Variants in TRPC5 observed in about 807,000 individuals in gnomAD.
TRPC5 encodes transient receptor potential cation channel subfamily C member 5.
A neutral mutation model predicts 56.5 loss-of-function variants in TRPC5; 9 were observed. The observed-to-expected ratio is 0.16, with a 90% CI of 0.10 to 0.28. TRPC5 has a LOEUF of 0.28. TRPC5 is among the 10% of genes least tolerant of loss of function. The pLI is 1.00. For missense variants in TRPC5, 469 were observed against 748.9 expected (o/e 0.63, Z 4.36); for synonymous variants, 282 against 278.5 (o/e 1.01, Z -0.13).
intron 1 of TRPC5, among the ~76,000 whole-genome samples, chrX:112,009,860 C>A (rs2148662421): frequency 9.0e-6 from 1 of 110,871 alleles, no homozygotes; most frequent in Non-Finnish European, 1.9e-5. Flanking sequence ...GTGGGTGGAG[C>A]AGGGAGGGAT....
chrX:112,034,343 A>T, intron 1 of TRPC5, among the ~76,000 whole-genome samples: 2 of 106,029 alleles, frequency 1.9e-5, no homozygotes, highest in African/African-American at 6.9e-5. Context: ...TTTTTGGTAT[A>T]ACACTTGCAC....
Position 111,776,092 on chromosome X carries a change from G to A in TRPC5, c.*221C>T. 2 of 331,186 alleles carry A rather than the reference G, an allele frequency of 6.0e-6. No homozygotes were observed. The highest frequency in any genetic ancestry group is 5.2e-6 in the Non-Finnish European group (1 of 191,982). The allele number at this position is 331,186 out of a possible 1,213,427, so 27.3% of individuals were successfully genotyped here. On this transcript the variant is annotated 3_prime_UTR_variant, in exon 11 of 11. Transcript: ENST00000262839. ...CACCCCTTCAGTCGGTTGTAAGATG[G>A]ACTTAGTGTGTATAGGTATTAAAAA...
chrX:111,857,445 A>C (rs773931363), intron 3 of TRPC5, among the ~76,000 whole-genome samples: 1 of 112,350 alleles, frequency 8.9e-6, no homozygotes, highest in Non-Finnish European at 1.9e-5. Flanking sequence ...TGATAGTGCC[A>C]TTAACTGACA....
intron 8 of TRPC5, 148 bp downstream of exon 8, chrX:111,781,786 TG>T (rs1372818727): frequency 2.7e-5 from 12 of 443,790 alleles, no homozygotes; most frequent in Admixed American, 4.9e-5. Context: ...TCCCAGCTAC[TG>T]GGGAGGCTGA....
At chrX:112,068,584 G>A (rs1930643168) in intron 1 of TRPC5, among the ~76,000 whole-genome samples, 1 of 111,910 alleles carries the variant, frequency 8.9e-6, no homozygotes. Flanking sequence ...GCCTGCGAGG[G>A]GCCCAGTCAG....
chrX:111,868,997 A>G lies in TRPC5; in HGVS notation c.901-14891T>C, dbSNP rs185963818. 6.2e-5 allele frequency among the ~76,000 whole-genome samples: 7 copies of G among 112,003 alleles called. No homozygotes were observed. In the Admixed American group the frequency reaches 6.6e-4, roughly 11 times the overall value. On this transcript the variant is annotated intron_variant, in intron 3 of 10. Transcript: ENST00000262839. ...AGAATGAGTTTTGTTTTTAGTTGCC[A>G]ATCAAGCTGGGCTCTGAAGAGGAGA... is the stretch of plus-strand genomic sequence containing the variant.
chrX:111,887,166 C>T (rs1158941358), intron 3 of TRPC5, among the ~76,000 whole-genome samples: 3 of 112,527 alleles, frequency 2.7e-5, no homozygotes, highest in East Asian at 5.6e-4. Flanking sequence ...TCACATCTCC[C>T]TTTATGCTAT....
At chrX:112,068,736 G>C (rs941303372) in intron 1 of TRPC5, among the ~76,000 whole-genome samples, 1 of 111,798 alleles carries the variant, frequency 8.9e-6, no homozygotes, top group Non-Finnish European at 1.9e-5. Context: ...AGAGCCCTGG[G>C]TTGCAAGTAG....
chrX:111,850,336 A>G (rs1923049054), intron 5 of TRPC5, among the ~76,000 whole-genome samples: 1 of 111,798 alleles, frequency 8.9e-6, no homozygotes, highest in East Asian at 2.8e-4. Context: ...AGTGGAATAG[A>G]TATTGTTGAC....
chrX:112,050,040 G>A (rs1389406090), intron 1 of TRPC5, among the ~76,000 whole-genome samples: 1 of 111,965 alleles, frequency 8.9e-6, no homozygotes, highest in African/African-American at 3.2e-5. Context: ...GCTGGGCGTG[G>A]TGGTGCGTGC....
At chrX:112,048,640 A>G (rs1301337262) in intron 1 of TRPC5, among the ~76,000 whole-genome samples, 1 of 111,190 alleles carries the variant, frequency 9.0e-6, no homozygotes, top group Non-Finnish European at 1.9e-5. Context: ...CAGAAACACT[A>G]GAATATGAAA....
chrX:111,943,244 A>C (rs1459800353), intron 2 of TRPC5, among the ~76,000 whole-genome samples: 1 of 112,299 alleles, frequency 8.9e-6, no homozygotes, highest in Non-Finnish European at 1.9e-5. Context: ...ACTGCAGGCT[A>C]TCTATAAATA....
chrX:112,014,709 A>G (rs1335241958), intron 1 of TRPC5, among the ~76,000 whole-genome samples: 1 of 111,872 alleles, frequency 8.9e-6, no homozygotes, highest in Non-Finnish European at 1.9e-5. Flanking sequence ...CTGATTTCTC[A>G]TGAGCCATCC....
At chrX:112,009,774 C>T (rs1928942473) in intron 1 of TRPC5, among the ~76,000 whole-genome samples, 1 of 111,150 alleles carries the variant, frequency 9.0e-6, no homozygotes, top group African/African-American at 3.3e-5. Flanking sequence ...CATGTTCTCA[C>T]TCATAGGTGG....
chrX:111,870,648 G>C (rs967502551), intron 3 of TRPC5, among the ~76,000 whole-genome samples: 4 of 111,324 alleles, frequency 3.6e-5, no homozygotes, highest in African/African-American at 1.3e-4. Context: ...TGAGAGGTTT[G>C]ATAGGGAATT....
At chrX:111,979,665 G>C (rs1351959651) in intron 1 of TRPC5, among the ~76,000 whole-genome samples, 1 of 111,535 alleles carries the variant, frequency 9.0e-6, no homozygotes, top group Non-Finnish European at 1.9e-5. Context: ...CAAAATATTT[G>C]AAAAGATACT....
chrX:111,797,237 A>G (rs1036669260), intron 7 of TRPC5, among the ~76,000 whole-genome samples: 19 of 112,409 alleles, frequency 1.7e-4, no homozygotes, highest in African/African-American at 5.8e-4. Context: ...GATTCTATGA[A>G]TAAAGTTAAT....
At chrX:111,935,841 G>A (rs1279948110) in intron 2 of TRPC5, among the ~76,000 whole-genome samples, 1 of 111,609 alleles carries the variant, frequency 9.0e-6, no homozygotes, top group Non-Finnish European at 1.9e-5. Flanking sequence ...CTGTTTTTAT[G>A]CCAGTACCAT....
intron 3 of TRPC5, among the ~76,000 whole-genome samples, chrX:111,885,758 CTA>C (rs1232046899): frequency 2.7e-5 from 3 of 110,843 alleles, no homozygotes; most frequent in African/African-American, 9.9e-5. Context: ...CAGTTTAAAT[CTA>C]TGTTTAAACT....
Sources: gnomAD v4.1 joint callset for allele counts (sites outside exome capture counted in the v4.1 genomes callset) on GRCh38, gnomAD v4.1.1 for gene constraint, MANE v1.5 for transcripts, NCBI Gene and HGNC (gene_info 2026-07-23, HGNC 2026-07-21) for gene names.